NRXN1: variants seen among roughly 807,000 people sequenced by gnomAD.
NRXN1 encodes neurexin-1.
A neutral mutation model predicts 150.9 loss-of-function variants in NRXN1; 39 were observed. The ratio of observed to expected loss-of-function variants is 0.26; its 90% confidence interval spans 0.20 to 0.34. NRXN1 has a LOEUF of 0.34. Among genes scored for constraint, NRXN1 ranks in the 10% least tolerant of loss-of-function variants. The pLI, the probability that NRXN1 is intolerant of heterozygous loss-of-function variation, is 1.00. For synonymous variants in NRXN1, 924 were observed against 757.0 expected, an observed-to-expected ratio of 1.22 and a Z score of -3.62; for missense variants, 1,815 against 1,949.9, an observed-to-expected ratio of 0.93 and a Z score of 1.30.
At chr2:50,548,336 AG>A (rs1210410781) in intron 9 of NRXN1, 1 of 152,182 alleles carries the variant, frequency 6.6e-6, no homozygotes, top group Non-Finnish European at 1.5e-5. Flanking sequence ...TAACTTTCTC[AG>A]TGGCTTATTT....
intron 17 of NRXN1, among the ~76,000 whole-genome samples, chr2:50,267,080 A>C (rs138895712): frequency 2.0e-4 from 30 of 152,278 alleles, no homozygotes; most frequent in Admixed American, 7.2e-4. Flanking sequence ...TGTTTTTCTG[A>C]GGCTAATGTG....
At chr2:50,910,175 T>A (rs1684321518) in intron 5 of NRXN1, among the ~76,000 whole-genome samples, 1 of 152,068 alleles carries the variant, frequency 6.6e-6, no homozygotes, top group African/African-American at 2.4e-5. Context: ...ATACAAAGGA[T>A]AACTGTCTTT....
intron 8 of NRXN1, among the ~76,000 whole-genome samples, chr2:50,597,905 G>A (rs370847728): frequency 6.6e-6 from 1 of 152,142 alleles, no homozygotes; most frequent in East Asian, 1.9e-4. Context: ...TTGGGAAGCT[G>A]AGGCAGGCCA....
chr2:50,388,556 G>T (rs1311948327), intron 17 of NRXN1, among the ~76,000 whole-genome samples: 1 of 152,074 alleles, frequency 6.6e-6, no homozygotes, highest in Non-Finnish European at 1.5e-5. Flanking sequence ...AACATCTTCC[G>T]GAAATGCTTC....
chr2:50,488,370 G>A (rs11125309), intron 15 of NRXN1, among the ~76,000 whole-genome samples: 8,382 of 152,200 alleles, frequency 0.055, 803 homozygotes, highest in African/African-American at 0.19. Context: ...TTTCTTGGGT[G>A]TTTGAGTTGA....
intron 8 of NRXN1, among the ~76,000 whole-genome samples, chr2:50,576,588 C>T (rs1249831164): frequency 2.0e-5 from 3 of 152,046 alleles, no homozygotes; most frequent in Admixed American, 1.3e-4. Flanking sequence ...TCAATAGCCT[C>T]TCTTTCATTA....
chr2:49,976,123 A>T (rs1160530424), intron 21 of NRXN1, among the ~76,000 whole-genome samples: 1 of 149,782 alleles, frequency 6.7e-6, no homozygotes, highest in Non-Finnish European at 1.5e-5. Flanking sequence ...CTCAGGTTCA[A>T]GTGATTCTTC....
intron 5 of NRXN1, among the ~76,000 whole-genome samples, chr2:50,910,705 G>A (rs1174574554): frequency 6.6e-6 from 1 of 151,892 alleles, no homozygotes; most frequent in African/African-American, 2.4e-5. Flanking sequence ...TAAATATTAG[G>A]TATAATGGTG....
intron 5 of NRXN1, among the ~76,000 whole-genome samples, chr2:50,763,032 A>C (rs1174493934): frequency 1.3e-5 from 2 of 151,870 alleles, no homozygotes; most frequent in East Asian, 3.9e-4. Context: ...GACCCTCTTC[A>C]CGTATCACCT....
chr2:50,227,159 CG>C (rs925710445), intron 18 of NRXN1, among the ~76,000 whole-genome samples: 1 of 89,256 alleles, frequency 1.1e-5, no homozygotes, highest in Non-Finnish European at 2.3e-5. Flanking sequence ...TACACAAAGA[CG>C]GGAAAAAAAA....
intron 18 of NRXN1, among the ~76,000 whole-genome samples, chr2:50,099,026 A>G (rs1400964691): frequency 6.6e-6 from 1 of 152,004 alleles, no homozygotes; most frequent in Non-Finnish European, 1.5e-5. Context: ...ATCTTCATTA[A>G]GGATAGTGTA....
chr2:50,752,273 A>C (rs1700680223), intron 5 of NRXN1, among the ~76,000 whole-genome samples: 1 of 151,996 alleles, frequency 6.6e-6, no homozygotes. Context: ...TAAGGTTCAC[A>C]ACACTTAGGC....
At chr2:50,126,156 G>A (rs565236467) in intron 18 of NRXN1, among the ~76,000 whole-genome samples, 30 of 152,104 alleles carry the variant, frequency 2.0e-4, no homozygotes, top group Admixed American at 5.2e-4. Flanking sequence ...CACCCTTTTC[G>A]GCATACAATT....
chr2:50,889,413 A>G (rs1203075653), intron 5 of NRXN1, among the ~76,000 whole-genome samples: 2 of 151,778 alleles, frequency 1.3e-5, no homozygotes, highest in Non-Finnish European at 3.0e-5. Flanking sequence ...ATTTGTACAC[A>G]GAGCAAATGC....
chr2:49,979,163 G>A (rs7426139), intron 21 of NRXN1, among the ~76,000 whole-genome samples: 70,801 of 151,936 alleles, frequency 0.47, 17,268 homozygotes, highest in Middle Eastern at 0.63. Context: ...CAGGCGTGGT[G>A]GCATGCACCT....
chr2:50,820,129 A>G (rs1412581703), intron 5 of NRXN1, among the ~76,000 whole-genome samples: 2 of 150,416 alleles, frequency 1.3e-5, no homozygotes, highest in East Asian at 3.9e-4. Flanking sequence ...GGATGGGGAT[A>G]TGAAAAAAAA....
At chr2:50,194,831 T>A (rs878856536) in intron 18 of NRXN1, among the ~76,000 whole-genome samples, 2 of 152,176 alleles carry the variant, frequency 1.3e-5, no homozygotes, top group Admixed American at 6.6e-5. Context: ...AGAGATTTCT[T>A]TGAGTGATCT....
At chr2:50,904,576 CAT>C (rs1485844311) in intron 5 of NRXN1, among the ~76,000 whole-genome samples, 2 of 152,138 alleles carry the variant, frequency 1.3e-5, no homozygotes, top group Admixed American at 6.5e-5. Flanking sequence ...CTAACTCTCC[CAT>C]TTACCAGTTG....
intron 18 of NRXN1, among the ~76,000 whole-genome samples, chr2:50,120,900 G>A (rs1287921616): frequency 6.6e-6 from 1 of 152,202 alleles, no homozygotes; most frequent in East Asian, 1.9e-4. Flanking sequence ...GATGAGATCT[G>A]TTGACTAAAT....
Sources: allele counts gnomAD v4.1 joint callset (sites outside exome capture counted in the v4.1 genomes callset), GRCh38; gene constraint gnomAD v4.1.1; transcripts MANE v1.5; gene names NCBI Gene and HGNC (gene_info 2026-07-23, HGNC 2026-07-21).